Variants in SMYD3 observed in about 807,000 individuals in gnomAD.
The protein encoded by SMYD3 is SET and MYND domain containing 3.
Under a neutral mutation model 57.7 loss-of-function variants are expected in SMYD3, and 36 were observed. That is an observed-to-expected ratio of 0.62 (90% CI 0.48 to 0.82). SMYD3 has a LOEUF of 0.82. Ranked by LOEUF, SMYD3 falls within the 40% of genes least tolerant of loss-of-function variation. SMYD3 has a pLI of 0.00. For synonymous variants in SMYD3, 211 were observed against 195.0 expected (o/e 1.08, Z -0.68); for missense variants, 515 against 538.8 (o/e 0.96, Z 0.44).
intron 1 of SMYD3, among the ~76,000 whole-genome samples, chr1:246,453,303 G>A (rs908388095): frequency 1.3e-5 from 2 of 152,068 alleles, no homozygotes; most frequent in South Asian, 2.1e-4. Flanking sequence ...TGAAGGAGGC[G>A]GAAGTATCCA....
At chr1:246,292,921 T>G (rs557307199) in intron 5 of SMYD3, among the ~76,000 whole-genome samples, 1 of 152,138 alleles carries the variant, frequency 6.6e-6, no homozygotes, top group Non-Finnish European at 1.5e-5. Context: ...ATGCTAAGTA[T>G]TAAGACTGAA....
At chr1:245,982,400 T>G (rs187403448) in intron 5 of SMYD3, among the ~76,000 whole-genome samples, 239 of 152,332 alleles carry the variant, frequency 1.6e-3, no homozygotes, top group African/African-American at 5.1e-3. Flanking sequence ...GTGCTGGGAT[T>G]ACAGATGTCA....
At chr1:245,798,078 G>T (rs1303712993) in intron 10 of SMYD3, among the ~76,000 whole-genome samples, 1 of 145,382 alleles carries the variant, frequency 6.9e-6, no homozygotes, top group Non-Finnish European at 1.5e-5. Flanking sequence ...CTAGAAAGTA[G>T]AAACATTCTT....
intron 10 of SMYD3, among the ~76,000 whole-genome samples, chr1:245,791,810 CTA>C (rs2047282787): frequency 1.3e-5 from 2 of 152,344 alleles, no homozygotes; most frequent in South Asian, 4.1e-4. Context: ...ATTTCTGTCT[CTA>C]GAATTATCGC....
At chr1:246,147,835 T>C (rs957699927) in intron 5 of SMYD3, among the ~76,000 whole-genome samples, 2 of 151,954 alleles carry the variant, frequency 1.3e-5, no homozygotes, top group African/African-American at 4.8e-5. Flanking sequence ...CTTTACTGAG[T>C]TGGTGGAGCG....
intron 5 of SMYD3, among the ~76,000 whole-genome samples, chr1:246,089,846 T>C (rs2060790736): frequency 6.6e-6 from 1 of 151,872 alleles, no homozygotes; most frequent in South Asian, 2.1e-4. Context: ...GTTTTCATGA[T>C]GCTGCATTTA....
intron 5 of SMYD3, among the ~76,000 whole-genome samples, chr1:245,958,006 C>T (rs1392023237): frequency 6.6e-6 from 1 of 151,792 alleles, no homozygotes; most frequent in Non-Finnish European, 1.5e-5. Flanking sequence ...TGTAATTATT[C>T]AGAGACTTTG....
intron 5 of SMYD3, among the ~76,000 whole-genome samples, chr1:246,226,290 A>G (rs757012581): frequency 6.6e-6 from 1 of 152,222 alleles, no homozygotes; most frequent in Admixed American, 6.5e-5. Context: ...GCATTCCATT[A>G]ACATGTCAGA....
chr1:246,040,271 A>G (rs1011825478), intron 5 of SMYD3, among the ~76,000 whole-genome samples: 5 of 152,234 alleles, frequency 3.3e-5, no homozygotes, highest in Non-Finnish European at 5.9e-5. Flanking sequence ...GAGGGGTTCA[A>G]TAAGTAGGAA....
chr1:245,778,139 CA>C (rs2046679761), intron 10 of SMYD3, among the ~76,000 whole-genome samples: 2 of 152,000 alleles, frequency 1.3e-5, no homozygotes, highest in Non-Finnish European at 2.9e-5. Context: ...AATAAAAATC[CA>C]AGCTTGATAT....
chr1:245,775,587 G>A (rs1181514149), intron 10 of SMYD3, among the ~76,000 whole-genome samples: 2 of 150,974 alleles, frequency 1.3e-5, no homozygotes. Flanking sequence ...AAGGCCGCAG[G>A]GTCCTCTGCC....
At chr1:246,031,691 C>G (rs923422334) in intron 5 of SMYD3, among the ~76,000 whole-genome samples, 1 of 150,694 alleles carries the variant, frequency 6.6e-6, no homozygotes, top group African/African-American at 2.4e-5. Flanking sequence ...GAGCAGAGAT[C>G]GCGCCACTGC....
intron 5 of SMYD3, among the ~76,000 whole-genome samples, chr1:246,005,348 G>A (rs2059150472): frequency 6.6e-6 from 1 of 152,220 alleles, no homozygotes; most frequent in African/African-American, 2.4e-5. Flanking sequence ...GCTTACAGCT[G>A]GAAGACCATC....
chr1:246,045,384 G>T (rs977718196), intron 5 of SMYD3, among the ~76,000 whole-genome samples: 4 of 152,184 alleles, frequency 2.6e-5, no homozygotes, highest in Non-Finnish European at 4.4e-5. Context: ...AATGGGGAAA[G>T]GATTCCCTAT....
At chr1:246,453,599 C>T (rs1285995383) in intron 1 of SMYD3, among the ~76,000 whole-genome samples, 2 of 151,970 alleles carry the variant, frequency 1.3e-5, no homozygotes, top group African/African-American at 2.4e-5. Flanking sequence ...CCAAATTTAC[C>T]AAAAGCGAGG....
chr1:245,833,148 A>G (rs2049944016), intron 10 of SMYD3, among the ~76,000 whole-genome samples: 1 of 151,638 alleles, frequency 6.6e-6, no homozygotes, highest in South Asian at 2.1e-4. Flanking sequence ...GATTTACAGA[A>G]AAGTTGCAAA....
chr1:246,495,114 C>T (rs2068337075), intron 1 of SMYD3, among the ~76,000 whole-genome samples: 1 of 152,072 alleles, frequency 6.6e-6, no homozygotes, highest in Non-Finnish European at 1.5e-5. Context: ...CTTTGGGAGG[C>T]CAAGGCGGGT....
chr1:246,239,112 T>C (rs1012060273), intron 5 of SMYD3, among the ~76,000 whole-genome samples: 14 of 152,204 alleles, frequency 9.2e-5, no homozygotes, highest in African/African-American at 3.4e-4. Context: ...ATTTTTTAAA[T>C]TATACTTTAA....
intron 5 of SMYD3, among the ~76,000 whole-genome samples, chr1:246,282,169 T>A (rs1026526212): frequency 4.6e-5 from 7 of 150,678 alleles, no homozygotes; most frequent in Non-Finnish European, 8.9e-5. Flanking sequence ...AATGTAGAGG[T>A]CTAAAAATTG....
Sources: gnomAD v4.1 joint callset for allele counts (sites outside exome capture counted in the v4.1 genomes callset) on GRCh38, gnomAD v4.1.1 for gene constraint, MANE v1.5 for transcripts, NCBI Gene and HGNC (gene_info 2026-07-23, HGNC 2026-07-21) for gene names.